CECR2: variants seen among roughly 807,000 people sequenced by gnomAD.
The protein encoded by CECR2 is chromatin remodeling regulator CECR2.
A neutral mutation model predicts 154.5 loss-of-function variants in CECR2; 30 were observed. The ratio of observed to expected loss-of-function variants is 0.19; its 90% CI spans 0.15 to 0.26. CECR2 has a LOEUF of 0.26. Among genes scored for constraint, CECR2 ranks in the 10% least tolerant of loss-of-function variants. The pLI, the probability that CECR2 is intolerant of heterozygous loss-of-function variation, is 1.00. For synonymous variants in CECR2, 725 were observed against 683.7 expected, an observed-to-expected ratio of 1.06 and a Z score of -0.94; for missense variants, 1,743 against 1,829.3, an observed-to-expected ratio of 0.95 and a Z score of 0.86.
chr22:17,533,341 T>C (rs1179390422), intron 9 of CECR2, among the ~76,000 whole-genome samples: 1 of 136,462 alleles, frequency 7.3e-6, no homozygotes, highest in African/African-American at 2.8e-5. Context: ...AAAAAAAAAA[T>C]TATGATAGCT....
At chr22:17,461,021 A>G (rs774572808) in intron 1 of CECR2, among the ~76,000 whole-genome samples, 8 of 152,128 alleles carry the variant, frequency 5.3e-5, no homozygotes, top group Non-Finnish European at 1.2e-4. Flanking sequence ...GTCTCTTTGT[A>G]GACCTGTCAA....
intron 1 of CECR2, among the ~76,000 whole-genome samples, chr22:17,442,729 A>C (rs1302328962): frequency 6.6e-6 from 1 of 152,028 alleles, no homozygotes; most frequent in Non-Finnish European, 1.5e-5. Flanking sequence ...TTGTATTTTT[A>C]GTAGAGACGG....
chr22:17,466,941 TC>T (rs745371767), intron 1 of CECR2, among the ~76,000 whole-genome samples: 2 of 152,146 alleles, frequency 1.3e-5, no homozygotes, highest in Non-Finnish European at 2.9e-5. Flanking sequence ...TCTTCCTCGT[TC>T]CCGTATGTGC....
At chr22:17,374,926 T>C (rs2146448887) in intron 1 of CECR2, among the ~76,000 whole-genome samples, 1 of 152,080 alleles carries the variant, frequency 6.6e-6, no homozygotes, top group East Asian at 1.9e-4. Flanking sequence ...TTCTACCACA[T>C]CGCACTGCTT....
At chr22:17,503,241 CT>C in intron 6 of CECR2, 110 bp downstream of exon 6, 9 of 931,192 alleles carry the variant, frequency 9.7e-6, no homozygotes, top group South Asian at 1.6e-5. Flanking sequence ...TTGCAATAGC[CT>C]TTTACCTACC....
At chr22:17,509,740 A>G (rs1438124045) in intron 7 of CECR2, among the ~76,000 whole-genome samples, 1 of 152,108 alleles carries the variant, frequency 6.6e-6, no homozygotes, top group African/African-American at 2.4e-5. Context: ...AAAAGACACT[A>G]CTCGGTCCTC....
At chr22:17,507,445 A>G (rs907573903) in intron 7 of CECR2, among the ~76,000 whole-genome samples, 1 of 152,252 alleles carries the variant, frequency 6.6e-6, no homozygotes, top group Non-Finnish European at 1.5e-5. Context: ...GATAGTTTTT[A>G]TGACTTTGTG....
chr22:17,411,462 T>C (rs190339485), intron 1 of CECR2, among the ~76,000 whole-genome samples: 65 of 152,276 alleles, frequency 4.3e-4, no homozygotes, highest in Admixed American at 7.2e-4. Context: ...AAGAATGTGA[T>C]GTAATGGGCC....
intron 1 of CECR2, among the ~76,000 whole-genome samples, chr22:17,416,458 G>T (rs1364613328): frequency 8.5e-5 from 13 of 152,086 alleles, no homozygotes; most frequent in Admixed American, 8.5e-4. Flanking sequence ...ACCAAATAGG[G>T]TATGTTGGTT....
intron 1 of CECR2, among the ~76,000 whole-genome samples, chr22:17,370,672 T>C (rs1413983213): frequency 6.6e-6 from 1 of 151,798 alleles, no homozygotes; most frequent in Non-Finnish European, 1.5e-5. Flanking sequence ...AGGCCGGAGG[T>C]GTTTTCCAGC....
At chr22:17,429,306 A>G (rs2146629742) in intron 1 of CECR2, among the ~76,000 whole-genome samples, 1 of 152,274 alleles carries the variant, frequency 6.6e-6, no homozygotes, top group South Asian at 2.1e-4. Flanking sequence ...CAAGGACTAG[A>G]GATTCCAATG....
chr22:17,370,972 G>A (rs1486180814), intron 1 of CECR2, among the ~76,000 whole-genome samples: 2 of 152,176 alleles, frequency 1.3e-5, no homozygotes. Context: ...CTGTTCTGCG[G>A]ATGGGTTCGC....
chr22:17,444,824 T>C (rs756047531), intron 1 of CECR2, among the ~76,000 whole-genome samples: 1 of 152,208 alleles, frequency 6.6e-6, no homozygotes, highest in Non-Finnish European at 1.5e-5. Flanking sequence ...AAGCTTTCAG[T>C]AGGAGCACCG....
At chr22:17,431,671 A>T (rs1037248691) in intron 1 of CECR2, among the ~76,000 whole-genome samples, 1 of 152,194 alleles carries the variant, frequency 6.6e-6, no homozygotes, top group Non-Finnish European at 1.5e-5. Flanking sequence ...TTTGAACAGT[A>T]TCATTGGAGC....
At chr22:17,486,768 G>A (rs118075305) in intron 2 of CECR2, among the ~76,000 whole-genome samples, 8 of 152,176 alleles carry the variant, frequency 5.3e-5, no homozygotes, top group South Asian at 2.1e-4. Context: ...AAAGCTTATC[G>A]CAATTCAGGA....
At chr22:17,363,766 A>C (rs1272658050) in intron 1 of CECR2, among the ~76,000 whole-genome samples, 1 of 152,080 alleles carries the variant, frequency 6.6e-6, no homozygotes, top group Non-Finnish European at 1.5e-5. Flanking sequence ...ATCTGGAGTA[A>C]CTGGGACTAC....
chr22:17,396,257 AAAC>A (rs556795999), intron 1 of CECR2, among the ~76,000 whole-genome samples: 40 of 138,646 alleles, frequency 2.9e-4, no homozygotes, highest in African/African-American at 1.1e-3. Context: ...AAAAAAAAAA[AAAC>A]AAGGCCAGGC....
At chr22:17,514,644 C>T (rs1243019870) in intron 8 of CECR2, among the ~76,000 whole-genome samples, 1 of 152,164 alleles carries the variant, frequency 6.6e-6, no homozygotes. Context: ...AGTTAAAACA[C>T]TACAAAAAGT....
In CECR2 at chr22:17,380,780, T is replaced by C. The variant is rs563047671; in HGVS notation, c.126+10871T>C. Among the ~76,000 whole-genome samples the C allele has an allele frequency of 5.3e-5, 8 of 152,230 alleles. 1 individual carries two copies. In the South Asian group the frequency reaches 1.4e-3, roughly 28 times the overall value. ...TAATTCCTGAGAATGGATAAGTTCT[T>C]AGAATTGAAAAATGCTGTTCAGCAG... On this transcript the variant is annotated intron_variant, in intron 1 of 18. Transcript: ENST00000262608.
Sources: gnomAD v4.1 joint callset for allele counts (sites outside exome capture counted in the v4.1 genomes callset) on GRCh38, gnomAD v4.1.1 for gene constraint, MANE v1.5 for transcripts, NCBI Gene and HGNC (gene_info 2026-07-23, HGNC 2026-07-21) for gene names.